PAG1: variants seen among roughly 807,000 people sequenced by gnomAD.
PAG1 encodes the protein phosphoprotein membrane anchor with glycosphingolipid microdomains 1.
PAG1 carries 23 observed loss-of-function variants against 31.7 expected under a neutral mutation model. The observed-to-expected ratio is 0.73, with a 90% CI of 0.52 to 1.03. The LOEUF (loss-of-function observed/expected upper bound fraction) is 1.03, where lower values mean the gene tolerates loss of function less well. Ranked by LOEUF, PAG1 falls within the 50% of genes least tolerant of loss-of-function variation. The pLI, the probability that PAG1 is intolerant of heterozygous loss-of-function variation, is 0.00. For missense variants in PAG1, 473 were observed against 540.7 expected, an observed-to-expected ratio of 0.87 and a Z score of 1.24; for synonymous variants, 214 against 210.3, an observed-to-expected ratio of 1.02 and a Z score of -0.15.
chr8:81,063,792 G>A (rs1808958997), intron 2 of PAG1, among the ~76,000 whole-genome samples: 1 of 152,170 alleles, frequency 6.6e-6, no homozygotes, highest in South Asian at 2.1e-4. Flanking sequence ...ACGGACAGGG[G>A]CATGGTCTTG....
At chr8:81,038,396 G>A (rs1202878318) in intron 2 of PAG1, among the ~76,000 whole-genome samples, 1 of 152,178 alleles carries the variant, frequency 6.6e-6, no homozygotes, top group Non-Finnish European at 1.5e-5. Flanking sequence ...AACTGGCTGG[G>A]CTGTTTGTGT....
intron 1 of PAG1, among the ~76,000 whole-genome samples, chr8:81,080,052 G>A (rs966681506): frequency 3.3e-5 from 5 of 152,096 alleles, no homozygotes; most frequent in Non-Finnish European, 4.4e-5. Context: ...TTACAGGCAT[G>A]AGCCACTGCA....
At chr8:81,021,758 C>A (rs1460309485) in intron 3 of PAG1, among the ~76,000 whole-genome samples, 1 of 151,894 alleles carries the variant, frequency 6.6e-6, no homozygotes, top group Admixed American at 6.6e-5. Flanking sequence ...AAGAATTCGA[C>A]ATTTAGAAGG....
intron 7 of PAG1, among the ~76,000 whole-genome samples, chr8:80,984,114 C>A (rs982065734): frequency 6.6e-6 from 1 of 152,102 alleles, no homozygotes; most frequent in Admixed American, 6.6e-5. Flanking sequence ...AGTAGATGGG[C>A]CTAGTTAAAT....
rs755647228 is a variant in PAG1 at position 80,976,820 on chromosome 8, G to A, written c.1023C>T (p.Tyr341=). ...GQSLTVPEST[Y]TSIQGDPQRS... ...TCTGTGGGTCCCCTTGAATGGAGGT[G>A]TAGGTGGACTCCGGAACTGTAAGCG... Residue 341 remains tyrosine (Y), a synonymous_variant, in exon 9 of 9, where the codon TAC becomes TAT. Transcript: ENST00000220597. 1.2e-6 allele frequency: 2 copies of A among 1,613,820 alleles called. No individual in the cohort carries two copies. The highest frequency in any genetic ancestry group is 2.2e-5 in the East Asian group (1 of 44,882).
In PAG1 at chr8:80,975,642, T is replaced by C. The variant is rs1358231707; in HGVS notation, c.*902A>G. The C allele has an allele frequency of 6.6e-6, 1 of 152,152 alleles. No homozygotes were observed. Among genetic ancestry groups the C allele is most frequent in the Non-Finnish European group, 1.5e-5 (1 of 68,042 alleles). 9.4% of individuals were successfully genotyped at this position (152,152 alleles called of 1,614,324 possible). On this transcript the variant is annotated 3_prime_UTR_variant, in exon 9 of 9. Coordinates refer to ENST00000220597, the MANE Select transcript of PAG1 (RefSeq NM_018440.4). ...TGGATGCATGGCTGCCGTCCAAATA[T>C]GTGGTCTGTGTCCCAACATAAAGAT...
At chr8:81,056,136 A>G (rs1416866802) in intron 2 of PAG1, among the ~76,000 whole-genome samples, 1 of 152,202 alleles carries the variant, frequency 6.6e-6, no homozygotes, top group East Asian at 1.9e-4. Context: ...TGTCCCATCA[A>G]TACCTAATTT....
chr8:81,010,659 TTTTC>T (rs2130665608), intron 3 of PAG1, among the ~76,000 whole-genome samples: 1 of 152,346 alleles, frequency 6.6e-6, no homozygotes, highest in Non-Finnish European at 1.5e-5. Context: ...TGACAATAAC[TTTTC>T]TTTATGATTT....
At chr8:81,085,559 G>A (rs1809337189) in intron 1 of PAG1, among the ~76,000 whole-genome samples, 2 of 152,166 alleles carry the variant, frequency 1.3e-5, no homozygotes, top group Non-Finnish European at 2.9e-5. Flanking sequence ...AATGTGCTTA[G>A]GAAAGAAAAT....
chr8:81,081,167 G>A (rs1181348358), intron 1 of PAG1, among the ~76,000 whole-genome samples: 1 of 151,328 alleles, frequency 6.6e-6, no homozygotes, highest in East Asian at 1.9e-4. Flanking sequence ...ATATATGATT[G>A]ATAAAACAGA....
Position 80,985,286 on chromosome 8 carries a change from T to C in PAG1, c.366A>G (p.Thr122=). Residue 122 remains threonine (T), a synonymous_variant, in exon 7 of 9, where the codon ACA becomes ACG. Coordinates refer to ENST00000220597, the MANE Select transcript of PAG1 (RefSeq NM_018440.4). ...GACTCTGATGACATTTTGGTTTCCC[T>C]GTGCTGTCCTGGGAATCCAGCAGAT... is the stretch of plus-strand genomic sequence containing the variant. ...ASDLLDSQDS[T]GKPKCHQSRE... The C allele has an allele frequency of 6.2e-7, 1 of 1,614,202 alleles. No individual in the cohort carries two copies. The highest frequency in any genetic ancestry group is 8.5e-7 in the Non-Finnish European group (1 of 1,180,032).
In PAG1 at chr8:80,985,066, G is replaced by T; in HGVS notation, c.586C>A (p.Leu196Met). The change falls in exon 7 of 9, where the codon CTG becomes ATG. Residue 196 changes from leucine to methionine, a missense_variant. By Grantham distance (15) the Leu-to-Met change is conservative. Coordinates refer to ENST00000220597, the MANE Select transcript of PAG1 (RefSeq NM_018440.4). ...GCCTTGCCACTGTGGCCTTTCTCCAGGTGTGCAGCTGCAGCCACCTCCTTG... is the reference window on the plus strand; with the variant it reads ...GCCTTGCCACTGTGGCCTTTCTCCATGTGTGCAGCTGCAGCCACCTCCTTG... ...EIKEVAAAAH[L>M]EKGHSGKAKS... 2 of 1,614,066 alleles carry T rather than the reference G, an allele frequency of 1.2e-6. No homozygotes were observed. Among genetic ancestry groups the T allele is most frequent in the South Asian group, 2.2e-5 (2 of 91,068 alleles).
intron 3 of PAG1, among the ~76,000 whole-genome samples, chr8:81,028,758 A>T (rs1277608209): frequency 6.6e-6 from 1 of 152,244 alleles, no homozygotes; most frequent in Non-Finnish European, 1.5e-5. Context: ...CTGTACGCAC[A>T]GCACAGATTC....
intron 2 of PAG1, among the ~76,000 whole-genome samples, chr8:81,059,419 G>C (rs1412374012): frequency 6.6e-6 from 1 of 152,012 alleles, no homozygotes; most frequent in Non-Finnish European, 1.5e-5. Flanking sequence ...AAATATGCCT[G>C]GGGTGTTATG....
chr8:81,035,801 C>T (rs1222631743), intron 2 of PAG1, among the ~76,000 whole-genome samples: 1 of 151,918 alleles, frequency 6.6e-6, no homozygotes, highest in Non-Finnish European at 1.5e-5. Flanking sequence ...TTTCTGTCCA[C>T]CCACATTATT....
chr8:81,064,434 G>C (rs1322534179), intron 2 of PAG1, among the ~76,000 whole-genome samples: 9 of 152,216 alleles, frequency 5.9e-5, no homozygotes, highest in African/African-American at 1.9e-4. Flanking sequence ...CAGGGTCAAG[G>C]AGGATGACTT....
At chr8:81,037,398 T>G (rs1808478937) in intron 2 of PAG1, 1 of 152,250 alleles carries the variant, frequency 6.6e-6, no homozygotes, top group Non-Finnish European at 1.5e-5. Context: ...ATAAGCCTTA[T>G]CCGTATGCAT....
At chr8:80,996,841 C>G (rs16908275) in intron 3 of PAG1, among the ~76,000 whole-genome samples, 61,141 of 151,624 alleles carry the variant, frequency 0.4, 12,659 homozygotes, top group African/African-American at 0.48. Context: ...AGATGGCCAG[C>G]GAGGCTTTTC....
chr8:80,969,505 G>A lies in PAG1; in HGVS notation c.*7039C>T, dbSNP rs1358275572. 6.6e-6 allele frequency: 1 copy of A among 152,126 alleles called. No individual in the cohort carries two copies. Among genetic ancestry groups the A allele is most frequent in the African/African-American group, 2.4e-5 (1 of 41,428 alleles). 9.4% of individuals were successfully genotyped at this position (152,126 alleles called of 1,614,324 possible). ...AGGAAATAGTTTGCTTTAAACTCAT[G>A]GTTTCCAACTTGTTGAGTTAAAAAC... On this transcript the variant is annotated 3_prime_UTR_variant, in exon 9 of 9. Transcript: ENST00000220597.
Sources: gnomAD v4.1 joint callset for allele counts (sites outside exome capture counted in the v4.1 genomes callset) on GRCh38, gnomAD v4.1.1 for gene constraint, MANE v1.5 for transcripts, NCBI Gene and HGNC (gene_info 2026-07-23, HGNC 2026-07-21) for gene names.